The following RPS6KA2 variants were observed in gnomAD, a reference collection of about 807,000 sequenced individuals.
RPS6KA2 encodes ribosomal protein S6 kinase alpha-2.
Under a neutral mutation model 91.8 loss-of-function variants are expected in RPS6KA2, and 42 were observed. That is an observed-to-expected ratio of 0.46 (90% CI 0.36 to 0.59). RPS6KA2 has a LOEUF of 0.59. RPS6KA2 is among the 20% of genes least tolerant of loss of function. The pLI, the probability that RPS6KA2 is intolerant of heterozygous loss-of-function variation, is 0.00. For missense variants in RPS6KA2, 798 were observed against 978.5 expected, an observed-to-expected ratio of 0.82 and a Z score of 2.46; for synonymous variants, 414 against 393.6, an observed-to-expected ratio of 1.05 and a Z score of -0.61.
At position 166,781,558 on chromosome 6, in the gene RPS6KA2, A is replaced by C. The variant is rs150937062; in HGVS notation, c.123+76642T>G. ...CCTGGTGGGGCTGACCCAGGACTGC[A>C]TGCATGCACCTAAGTTGGGCAGATG... On this transcript the variant is annotated intron_variant, in intron 2 of 21. Coordinates refer to the RPS6KA2 transcript ENST00000503859. Among the ~76,000 whole-genome samples, 527 of 152,276 alleles carry C rather than the reference A, an allele frequency of 3.5e-3. 1 individual carries two copies. Among genetic ancestry groups the C allele is most frequent in the African/African-American group, 0.012 (513 of 41,560 alleles).
At position 166,557,263 on chromosome 6, in the gene RPS6KA2, T is replaced by C. The variant is rs1353962498; in HGVS notation, c.100-18479A>G. 2.0e-5 allele frequency among the ~76,000 whole-genome samples: 3 copies of C among 152,102 alleles called. No homozygotes were observed. The highest frequency in any genetic ancestry group is 7.2e-5 in the African/African-American group (3 of 41,396). ...GCGCAGAGGGTAGCTCCTGCCGGGG[T>C]GAGGACCGTGGGCGCGGAGCATGCT... On this transcript the variant is annotated intron_variant, in intron 1 of 20. Coordinates refer to ENST00000265678, the MANE Select transcript of RPS6KA2 (RefSeq NM_021135.6). The surrounding 1 kb of genome is among the most constrained non-coding windows in gnomAD (Gnocchi z 4.8).
chr6:166,763,446 T>C (rs388372), intron 2 of RPS6KA2, among the ~76,000 whole-genome samples: 104,173 of 152,102 alleles, frequency 0.68, 36,505 homozygotes, highest in African/African-American at 0.84. Context: ...TCCATGCTCT[T>C]ATCTGTAAAA....
At chr6:166,548,098 C>A (rs534342626) in intron 1 of RPS6KA2, among the ~76,000 whole-genome samples, 1 of 152,184 alleles carries the variant, frequency 6.6e-6, no homozygotes. Flanking sequence ...AGAGTGATTG[C>A]GCTTTTTCCC....
chr6:166,794,039 A>G (rs1229767214), intron 2 of RPS6KA2, among the ~76,000 whole-genome samples: 2 of 140,290 alleles, frequency 1.4e-5, no homozygotes, highest in Non-Finnish European at 3.1e-5. Context: ...CTGCACAGCA[A>G]AAGAAACTAC....
At chr6:166,847,524 A>G (rs1780637176) in intron 2 of RPS6KA2, among the ~76,000 whole-genome samples, 1 of 152,242 alleles carries the variant, frequency 6.6e-6, no homozygotes, top group African/African-American at 2.4e-5. Flanking sequence ...GTAATGTCAT[A>G]GTAACCAAAA....
chr6:166,505,257 C>T (rs1782160029), intron 5 of RPS6KA2, among the ~76,000 whole-genome samples: 1 of 152,112 alleles, frequency 6.6e-6, no homozygotes, highest in African/African-American at 2.4e-5. Context: ...TCCCACGTAG[C>T]TGGGACAGCT....
At position 166,744,847 on chromosome 6, in the gene RPS6KA2, C is replaced by T. The variant is rs147677126; in HGVS notation, c.123+113353G>A. On this transcript the variant is annotated intron_variant, in intron 2 of 21. Transcript: ENST00000503859. ...GAGCACCCTCAGTACTGGGCCCTCC[C>T]TTCCTAAAGCTTAGGGGGCCTGGGC... Among the ~76,000 whole-genome samples, 125 of 152,302 alleles carry T rather than the reference C, an allele frequency of 8.2e-4. 1 individual carries two copies. The Middle Eastern group carries it at 0.014, about 17-fold the overall frequency.
intron 2 of RPS6KA2, among the ~76,000 whole-genome samples, chr6:166,716,029 C>T (rs1419470960): frequency 4.6e-5 from 4 of 86,344 alleles, no homozygotes; most frequent in African/African-American, 2.2e-4. Context: ...CAGAGTGAGA[C>T]TCCATCAAAA....
At chr6:166,431,170 C>T (rs190894662) in intron 15 of RPS6KA2, among the ~76,000 whole-genome samples, 344 of 152,254 alleles carry the variant, frequency 2.3e-3, no homozygotes, top group Admixed American at 5.2e-3. Context: ...TCAAGTGATC[C>T]GCCTGCCTCA....
intron 14 of RPS6KA2, among the ~76,000 whole-genome samples, chr6:166,447,804 C>T (rs2281051): frequency 0.48 from 72,850 of 151,954 alleles, 19,318 homozygotes; most frequent in Non-Finnish European, 0.6. Context: ...GTGCTACAGA[C>T]GTGTCTGGGA....
intron 1 of RPS6KA2, among the ~76,000 whole-genome samples, chr6:166,561,923 A>G (rs73788040): frequency 1.6e-4 from 25 of 152,308 alleles, no homozygotes; most frequent in African/African-American, 5.5e-4. Flanking sequence ...AGCCAAGGTC[A>G]TAAAAGTGAG....
chr6:166,741,075 G>A (rs897153224), intron 2 of RPS6KA2, among the ~76,000 whole-genome samples: 8 of 152,212 alleles, frequency 5.3e-5, no homozygotes, highest in African/African-American at 1.9e-4. Flanking sequence ...TCATCCAAAG[G>A]GGTACAGATA....
chr6:166,837,392 G>A (rs1013622999), intron 2 of RPS6KA2, among the ~76,000 whole-genome samples: 6 of 152,188 alleles, frequency 3.9e-5, no homozygotes, highest in African/African-American at 1.2e-4. Flanking sequence ...GGGTCACTCC[G>A]GACCCTCTCA....
At chr6:166,746,256 A>G (rs1791007182) in intron 2 of RPS6KA2, among the ~76,000 whole-genome samples, 1 of 152,190 alleles carries the variant, frequency 6.6e-6, no homozygotes, top group Non-Finnish European at 1.5e-5. Context: ...GCACCCCTGC[A>G]CCTACCAGTC....
Position 166,508,992 on chromosome 6 carries a change from T to A in RPS6KA2, c.380-710A>T, listed in dbSNP as rs922987280. ...GCTGCTGTGACGATGGTTGCTGCAG[T>A]GGCACTGGTGAGGCACCGCGTGGCA... On this transcript the variant is annotated intron_variant, in intron 4 of 20. Coordinates refer to ENST00000265678, the MANE Select transcript of RPS6KA2 (RefSeq NM_021135.6). The surrounding 1 kb of genome is among the most constrained non-coding windows in gnomAD (Gnocchi z 4.3). Among the ~76,000 whole-genome samples, 1 of 152,210 alleles carries A rather than the reference T, an allele frequency of 6.6e-6. No homozygotes were observed. Among genetic ancestry groups the A allele is most frequent in the Non-Finnish European group, 1.5e-5 (1 of 68,030 alleles).
rs370714435 is a variant in RPS6KA2, at chr6:166,582,317, T to G, written c.100-43533A>C. Among the ~76,000 whole-genome samples the G allele has an allele frequency of 2.0e-5, 3 of 152,340 alleles. No homozygotes were observed. The East Asian group carries it at 5.8e-4, about 29-fold the overall frequency. On this transcript the variant is annotated intron_variant, in intron 1 of 20. Transcript: ENST00000265678. ...ACTGTTGAGCTGGCTTCCGGTGGCATGCACTTTTTGAAATAAAGCCTTTTC... is the reference window on the plus strand; with the variant it reads ...ACTGTTGAGCTGGCTTCCGGTGGCAGGCACTTTTTGAAATAAAGCCTTTTC...
rs1421757611 is a variant in RPS6KA2 at position 166,733,056 on chromosome 6, A to G, written c.123+125144T>C. Among the ~76,000 whole-genome samples the G allele has an allele frequency of 6.6e-6, 1 of 152,160 alleles. No homozygotes were observed. The highest frequency in any genetic ancestry group is 1.9e-4 in the East Asian group (1 of 5,198). ...GGAGGTTTGGGACCCTCTTTGCAGAAGCTTTCACGAGCCTAAGGGTGAGAT... is the reference window on the plus strand; with the variant it reads ...GGAGGTTTGGGACCCTCTTTGCAGAGGCTTTCACGAGCCTAAGGGTGAGAT... On this transcript the variant is annotated intron_variant, in intron 2 of 21. Coordinates refer to the RPS6KA2 transcript ENST00000503859. The surrounding 1 kb of genome is among the most constrained non-coding windows in gnomAD (Gnocchi z 4.1).
At chr6:166,438,404 G>A (rs1047180308) in intron 14 of RPS6KA2, among the ~76,000 whole-genome samples, 16 of 152,354 alleles carry the variant, frequency 1.1e-4, no homozygotes, top group African/African-American at 2.9e-4. Flanking sequence ...CCAGGCCTGC[G>A]TGGTCACGCC....
At chr6:166,707,359 G>A (rs1443106235) in intron 2 of RPS6KA2, among the ~76,000 whole-genome samples, 1 of 152,254 alleles carries the variant, frequency 6.6e-6, no homozygotes, top group Non-Finnish European at 1.5e-5. Flanking sequence ...TCAGGAATAA[G>A]TGAAGGTCGG....
Sources: allele counts gnomAD v4.1 joint callset (sites outside exome capture counted in the v4.1 genomes callset), GRCh38; gene constraint gnomAD v4.1.1; non-coding constraint Gnocchi (gnomAD v3.1); transcripts MANE v1.5; gene names NCBI Gene and HGNC (gene_info 2026-07-23, HGNC 2026-07-21).